Variants in INTS9 observed in about 807,000 individuals in gnomAD.
INTS9 encodes protein related to CPSF subunits of 74 kDa.
In INTS9, 55 loss-of-function variants were observed where a neutral mutation model predicts 79.7. That is an observed-to-expected ratio of 0.69 (90% CI 0.56 to 0.86). INTS9 has a LOEUF of 0.86. INTS9 is among the 40% of genes least tolerant of loss of function. The pLI, the probability that INTS9 is intolerant of heterozygous loss-of-function variation, is 0.00. For synonymous variants in INTS9, 319 were observed against 325.2 expected (o/e 0.98, Z 0.20); for missense variants, 721 against 831.5 (o/e 0.87, Z 1.64).
At chr8:28,785,380 T>G (rs1400169307) in intron 11 of INTS9, among the ~76,000 whole-genome samples, 1 of 152,178 alleles carries the variant, frequency 6.6e-6, no homozygotes, top group Non-Finnish European at 1.5e-5. Context: ...AAATGGTGAT[T>G]TTCTAATTCT....
chr8:28,808,364 T>TA (rs1804932225), intron 8 of INTS9, among the ~76,000 whole-genome samples: 2 of 152,124 alleles, frequency 1.3e-5, no homozygotes, highest in Non-Finnish European at 2.9e-5. Context: ...GGTTAATTTT[T>TA]GTATTTTTAG....
At chr8:28,866,982 G>T (rs956638388) in intron 1 of INTS9, among the ~76,000 whole-genome samples, 1 of 140,062 alleles carries the variant, frequency 7.1e-6, no homozygotes, top group Admixed American at 7.1e-5. Context: ...AAAAAGAAAA[G>T]AAAAATAAAA....
At chr8:28,815,749 C>T (rs1197770706) in intron 6 of INTS9, among the ~76,000 whole-genome samples, 1 of 152,032 alleles carries the variant, frequency 6.6e-6, no homozygotes, top group Non-Finnish European at 1.5e-5. Flanking sequence ...GACAGATAAG[C>T]AAGATGCCAC....
At chr8:28,813,814 G>C in intron 6 of INTS9, 1 of 478,576 alleles carries the variant, frequency 2.1e-6, no homozygotes, top group African/African-American at 2.0e-5. Flanking sequence ...AGGCTGGAGT[G>C]CTATGGCGCC....
At position 28,793,981 on chromosome 8, in the gene INTS9, G is replaced by T; in HGVS notation, c.863C>A (p.Thr288Lys). 1.3e-6 allele frequency: 2 copies of T among 1,576,002 alleles called. No homozygotes were observed. The highest frequency in any genetic ancestry group is 1.7e-6 in the Non-Finnish European group (2 of 1,157,106). ...CAACACGTTTCCTCCATTCCGGACTGTCAGAGCTAGAAAAGTGGATGCCAG... is the reference window on the plus strand; with the variant it reads ...CAACACGTTTCCTCCATTCCGGACTTTCAGAGCTAGAAAAGTGGATGCCAG... ...VGEFCSNLALTVRNGGNVLVP... is the reference protein window; with the variant it reads ...VGEFCSNLALKVRNGGNVLVP... The change falls in exon 10 of 17, where the codon ACA becomes AAA. Residue 288 changes from threonine (T) to lysine (K), a missense_variant. Coordinates refer to ENST00000521022, the MANE Select transcript of INTS9 (RefSeq NM_018250.4).
chr8:28,877,837 G>C (rs1054531523), intron 1 of INTS9, among the ~76,000 whole-genome samples: 2 of 152,152 alleles, frequency 1.3e-5, no homozygotes, highest in Non-Finnish European at 2.9e-5. Context: ...AAATAGTTGG[G>C]GGAGGGTGTT....
intron 1 of INTS9, among the ~76,000 whole-genome samples, chr8:28,882,535 AAAAAAAAAAAAAG>A (rs1368723144): frequency 2.6e-4 from 37 of 141,338 alleles, no homozygotes; most frequent in East Asian, 2.6e-3. Flanking sequence ...TAACAGCTAA[AAAAAAAAAAAAAG>A]AAAAAAAAAA....
Position 28,880,980 on chromosome 8 carries a change from C to G in INTS9, c.9+8894G>C, listed in dbSNP as rs868134014. Reference sequence around the variant, plus strand: ...CTGGGAGGTGAGGAGCGTCTCTGCCCGGCCGCTCCGTCTGAAAAGTGAGGA... The same window carrying G: ...CTGGGAGGTGAGGAGCGTCTCTGCCGGGCCGCTCCGTCTGAAAAGTGAGGA... On this transcript the variant is annotated intron_variant, in intron 1 of 16. Coordinates refer to ENST00000521022, the MANE Select transcript of INTS9 (RefSeq NM_018250.4). 6.0e-5 allele frequency among the ~76,000 whole-genome samples: 9 copies of G among 151,194 alleles called. No individual in the cohort carries two copies. The South Asian group carries it at 1.9e-3, about 32-fold the overall frequency.
chr8:28,849,217 G>GC (rs1807692420), intron 3 of INTS9, among the ~76,000 whole-genome samples: 1 of 152,168 alleles, frequency 6.6e-6, no homozygotes, highest in Non-Finnish European at 1.5e-5. Context: ...CTAAGAATTG[G>GC]CCTGAGGGGG....
At chr8:28,780,068 T>C (rs1341114944) in intron 12 of INTS9, among the ~76,000 whole-genome samples, 2 of 150,812 alleles carry the variant, frequency 1.3e-5, no homozygotes, top group African/African-American at 4.9e-5. Context: ...TTTTTTTTTT[T>C]CTTTTTTCTT....
At chr8:28,879,823 C>A (rs140417146) in intron 1 of INTS9, among the ~76,000 whole-genome samples, 1 of 152,078 alleles carries the variant, frequency 6.6e-6, no homozygotes, top group East Asian at 1.9e-4. Flanking sequence ...CACAAAAGAC[C>A]CCATATCAAA....
intron 1 of INTS9, among the ~76,000 whole-genome samples, chr8:28,879,967 A>C (rs1160255663): frequency 6.6e-6 from 1 of 152,174 alleles, no homozygotes; most frequent in Non-Finnish European, 1.5e-5. Flanking sequence ...TGAATGAGGC[A>C]CAACTCTGAA....
intron 14 of INTS9, among the ~76,000 whole-genome samples, chr8:28,774,752 C>T (rs1802769727): frequency 6.6e-6 from 1 of 152,146 alleles, no homozygotes; most frequent in Non-Finnish European, 1.5e-5. Context: ...TTTTTCCTGT[C>T]TGTTGAAAAC....
At chr8:28,773,880 T>C (rs1423875907) in intron 14 of INTS9, among the ~76,000 whole-genome samples, 1 of 152,172 alleles carries the variant, frequency 6.6e-6, no homozygotes, top group Non-Finnish European at 1.5e-5. Flanking sequence ...AGGAGTGCGG[T>C]GGCATGATCT....
Position 28,859,529 on chromosome 8 carries a change from T to C in INTS9, c.44A>G (p.Asn15Ser), listed in dbSNP as rs1244423333. ...CLSGHPTLPC[N>S]VLKFKSTTIM... Reference sequence around the variant, plus strand: ...GGTGGTTGATTTGAATTTGAGCACATTGCATGGTAAGGTTGGGTGCCCTGA... The same window carrying C: ...GGTGGTTGATTTGAATTTGAGCACACTGCATGGTAAGGTTGGGTGCCCTGA... The change falls in exon 2 of 17, where the codon AAT becomes AGT. Residue 15 changes from asparagine to serine, a missense_variant. Asn to Ser is a conservative substitution (Grantham distance 46). Transcript: ENST00000521022. 1.2e-5 allele frequency: 20 copies of C among 1,614,092 alleles called. No homozygotes were observed. Among genetic ancestry groups the C allele is most frequent in the South Asian group, 2.2e-5 (2 of 91,084 alleles).
intron 10 of INTS9, among the ~76,000 whole-genome samples, chr8:28,788,124 G>A (rs1483215717): frequency 6.6e-6 from 1 of 152,064 alleles, no homozygotes; most frequent in Non-Finnish European, 1.5e-5. Context: ...TGTTATTTTG[G>A]AATAATTTTA....
chr8:28,789,263 G>A lies in INTS9; in HGVS notation c.1038-1374C>T, dbSNP rs115553797. ...AGGCAGAGATTAGGGATACAGAAGAGATTACAATATGATTAGAGATTGTGA... is the reference window on the plus strand; with the variant it reads ...AGGCAGAGATTAGGGATACAGAAGAAATTACAATATGATTAGAGATTGTGA... On this transcript the variant is annotated intron_variant, in intron 10 of 16. Transcript: ENST00000521022. 3.8e-3 allele frequency among the ~76,000 whole-genome samples: 585 copies of A among 152,296 alleles called. 1 individual carries two copies. Among genetic ancestry groups the A allele is most frequent in the African/African-American group, 0.014 (567 of 41,566 alleles).
At position 28,823,349 on chromosome 8, in the gene INTS9, G is replaced by C. The variant is rs554876968; in HGVS notation, c.489-9737C>G. Among the ~76,000 whole-genome samples the C allele has an allele frequency of 2.6e-5, 4 of 151,692 alleles. No homozygotes were observed. In the East Asian group the frequency reaches 7.8e-4, roughly 30 times the overall value. On this transcript the variant is annotated intron_variant, in intron 6 of 16. Transcript: ENST00000521022. ...GTAACATTTTTATCTGTAGGGAAAG[G>C]GAATGGAGTTCGAGAAAAACCTGTA...
chr8:28,835,488 T>C (rs1806759455), intron 5 of INTS9, 110 bp from the exon 6 acceptor site: 1 of 652,714 alleles, frequency 1.5e-6, no homozygotes, highest in Non-Finnish European at 2.7e-6. Flanking sequence ...CCTACACCAT[T>C]TCATCATCAT....
Sources: allele counts gnomAD v4.1 joint callset (sites outside exome capture counted in the v4.1 genomes callset), GRCh38; gene constraint gnomAD v4.1.1; transcripts MANE v1.5; gene names NCBI Gene and HGNC (gene_info 2026-07-23, HGNC 2026-07-21).